Variants in ZFR2 observed in about 807,000 individuals in gnomAD.
ZFR2 encodes zinc finger RNA binding protein 2, also known as zinc finger RNA-binding protein 2.
Under a neutral mutation model 105.7 loss-of-function variants are expected in ZFR2, and 104 were observed. That is an observed-to-expected ratio of 0.98 (90% CI 0.84 to 1.16). The LOEUF (loss-of-function observed/expected upper bound fraction) is 1.16, where lower values mean the gene tolerates loss of function less well. ZFR2 is among the 50% of genes most tolerant of loss of function. ZFR2 has a pLI of 0.00. For synonymous variants in ZFR2, 634 were observed against 597.7 expected (o/e 1.06, Z -0.89); for missense variants, 1,425 against 1,355.5 (o/e 1.05, Z -0.80).
chr19:3,829,022 C>T (rs532942339), intron 5 of ZFR2, among the ~76,000 whole-genome samples: 17 of 149,428 alleles, frequency 1.1e-4, no homozygotes, highest in African/African-American at 4.0e-4. Context: ...AGTGCAGTGG[C>T]GCGATCTCAG....
At chr19:3,862,960 G>A (rs563153817) in intron 1 of ZFR2, among the ~76,000 whole-genome samples, 2 of 152,338 alleles carry the variant, frequency 1.3e-5, no homozygotes, top group Admixed American at 6.5e-5. Flanking sequence ...AGGGGCCCAC[G>A]GTCTCACTTT....
intron 1 of ZFR2, among the ~76,000 whole-genome samples, chr19:3,839,119 GA>G (rs2038108315): frequency 1.3e-5 from 2 of 152,130 alleles, no homozygotes; most frequent in Non-Finnish European, 2.9e-5. Context: ...TCTCTCCCAG[GA>G]AAAGCAGAAG....
chr19:3,824,127 C>A (rs967151343), intron 7 of ZFR2, among the ~76,000 whole-genome samples: 1 of 152,000 alleles, frequency 6.6e-6, no homozygotes, highest in Admixed American at 6.6e-5. Context: ...CAGAACCCCA[C>A]CTCTACAAAA....
At chr19:3,821,517 T>C in intron 9 of ZFR2, 38 bp from the exon 10 acceptor site, 2 of 1,527,794 alleles carry the variant, frequency 1.3e-6, no homozygotes, top group Non-Finnish European at 1.8e-6. Flanking sequence ...GTAGGGACCT[T>C]GCTTTAGACA....
chr19:3,812,241 G>A (rs2037773590), intron 14 of ZFR2, among the ~76,000 whole-genome samples: 1 of 152,056 alleles, frequency 6.6e-6, no homozygotes, highest in Non-Finnish European at 1.5e-5. Flanking sequence ...ACCGCGCCTG[G>A]CCAAATTTTT....
At chr19:3,842,261 G>A (rs535217192) in intron 1 of ZFR2, among the ~76,000 whole-genome samples, 8 of 151,970 alleles carry the variant, frequency 5.3e-5, no homozygotes, top group African/African-American at 1.7e-4. Flanking sequence ...TGATCTGCCC[G>A]CCTCGGCTTC....
rs1327916003 is a variant in ZFR2, at chr19:3,808,920, C to T, written c.2497G>A (p.Ala833Thr). 2 of 1,571,608 alleles carry T rather than the reference C, an allele frequency of 1.3e-6. No homozygotes were observed. The highest frequency in any genetic ancestry group is 2.3e-5 in the East Asian group (1 of 42,718). Reference protein sequence around the residue: ...SAAGPLGPGDAVRRVLECVAT... With the variant: ...SAAGPLGPGDTVRRVLECVAT... ...ACGCACTCCAGGACTCGCCTGACTG[C>T]ATCCCCGGGGCCCAGGGGCCCAGCC... is the stretch of plus-strand genomic sequence containing the variant. The change falls in exon 17 of 19, where the codon GCA becomes ACA. Residue 833 changes from alanine (A) to threonine (T), a missense_variant. Ala to Thr is a moderately conservative substitution (Grantham distance 58). Transcript: ENST00000262961.
At chr19:3,831,621 C>A (rs760888165) in intron 4 of ZFR2, 39 bp downstream of exon 4, 1 of 1,520,038 alleles carries the variant, frequency 6.6e-7, no homozygotes, top group African/African-American at 1.4e-5. Context: ...AAGTGGGGAC[C>A]GACGGGCAGA....
At chr19:3,808,271 A>G (rs1265876105) in intron 17 of ZFR2, among the ~76,000 whole-genome samples, 1 of 152,204 alleles carries the variant, frequency 6.6e-6, no homozygotes, top group Non-Finnish European at 1.5e-5. Context: ...GTGCGTGTGC[A>G]TGCCTACACG....
chr19:3,868,968 T>C lies in ZFR2; in HGVS notation c.50A>G (p.Tyr17Cys). 7 of 1,352,656 alleles carry C rather than the reference T, an allele frequency of 5.2e-6. No homozygotes were observed. Among genetic ancestry groups the C allele is most frequent in the South Asian group, 1.9e-5 (1 of 51,714 alleles). The allele number at this position is 1,352,656 out of a possible 1,614,324, so 83.8% of individuals were successfully genotyped here. Residue 17 changes from tyrosine (Y) to cysteine (C), a missense_variant, in exon 1 of 19, where the codon TAC becomes TGC. Physicochemically the swap from Tyr to Cys is radical, Grantham distance 194 (BLOSUM62 -2). Coordinates refer to ENST00000262961, the MANE Select transcript of ZFR2 (RefSeq NM_015174.2). Reference sequence around the variant, plus strand: ...GCTGGCGCGGCGGGGCAGTTACCTGTACTGCGGGCCGCCGCCCTGCGCGAA... The same window carrying C: ...GCTGGCGCGGCGGGGCAGTTACCTGCACTGCGGGCCGCCGCCCTGCGCGAA... ...FDFAQGGGPQ[Y>C]SAQPPTLPLP...
chr19:3,810,973 G>A, intron 15 of ZFR2, 128 bp from the exon 16 acceptor site: 1 of 1,066,940 alleles, frequency 9.4e-7, no homozygotes, highest in East Asian at 2.8e-5. Context: ...GAAGGTGGCG[G>A]GTGGAAACAG....
Position 3,831,431 on chromosome 19 carries a change from A to G in ZFR2, c.724T>C (p.Ser242Pro), listed in dbSNP as rs1182174467. 6.4e-7 allele frequency: 1 copy of G among 1,553,668 alleles called. No individual in the cohort carries two copies. The highest frequency in any genetic ancestry group is 1.9e-5 in the Admixed American group (1 of 51,548). ...QLPPPPAPAG[S>P]GSSPRADSKP... ...GAGTCGGCCCTGGGGCTGCTTCCTG[A>G]GCCTGCAGGCGCGGGCGGCGGGGGC... is the stretch of plus-strand genomic sequence containing the variant. Residue 242 changes from serine to proline, a missense_variant, in exon 5 of 19, where the codon TCA becomes CCA. By Grantham distance (74) the Ser-to-Pro change is moderately conservative. Transcript: ENST00000262961.
Position 3,852,675 on chromosome 19 carries a change from A to G in ZFR2, c.53+16290T>C, listed in dbSNP as rs1431405265. The G allele has an allele frequency of 1.3e-5, 9 of 676,996 alleles. No individual in the cohort carries two copies. In the South Asian group the frequency reaches 1.5e-4, roughly 11 times the overall value. 41.9% of individuals were successfully genotyped at this position (676,996 alleles called of 1,614,324 possible). ...GGATATAAGGGTGGATGAAGGATGA[A>G]GGCATTTTGGCAACAATCTGCCACA... On this transcript the variant is annotated intron_variant, in intron 1 of 18. Transcript: ENST00000262961.
Position 3,831,469 on chromosome 19 carries a change from G to A in ZFR2, c.686C>T (p.Pro229Leu), listed in dbSNP as rs1255234882. Residue 229 changes from proline (P) to leucine (L), a missense_variant, in exon 5 of 19, where the codon CCC becomes CTC. Transcript: ENST00000262961. ...PPAQPPPPPG[P>L]PQQLPPPPAP... ...GGGCGGCGGGGGCAGCTGCTGCGGG[G>A]GTCCCGGGGGAGGCGGGGGCTGCGC... 4 of 1,550,448 alleles carry A rather than the reference G, an allele frequency of 2.6e-6. No homozygotes were observed. The Admixed American group carries it at 5.9e-5, about 23-fold the overall frequency.
chr19:3,810,942 A>G, intron 15 of ZFR2, 97 bp from the exon 16 acceptor site: 1 of 1,343,978 alleles, frequency 7.4e-7, no homozygotes, highest in Non-Finnish European at 1.0e-6. Context: ...AGGGAGGATA[A>G]TAGGGAGCCT....
intron 1 of ZFR2, among the ~76,000 whole-genome samples, chr19:3,836,351 G>T (rs1296242446): frequency 1.3e-5 from 2 of 152,116 alleles, no homozygotes; most frequent in African/African-American, 2.4e-5. Context: ...TTGAGAAAGG[G>T]TCTCGCTCTG....
chr19:3,851,624 G>A (rs7255802), intron 1 of ZFR2, among the ~76,000 whole-genome samples: 102,948 of 152,140 alleles, frequency 0.68, 36,126 homozygotes, highest in African/African-American at 0.87. Flanking sequence ...CCAGAATTTA[G>A]GGGAGGAAGG....
intron 1 of ZFR2, among the ~76,000 whole-genome samples, chr19:3,856,299 G>A (rs774257266): frequency 6.6e-6 from 1 of 152,188 alleles, no homozygotes; most frequent in Non-Finnish European, 1.5e-5. Flanking sequence ...CATCCACAGA[G>A]CATGCTGCAT....
chr19:3,831,024 C>CGCACACATACGTGCAA (rs1345029865), intron 5 of ZFR2, among the ~76,000 whole-genome samples: 2 of 151,626 alleles, frequency 1.3e-5, no homozygotes, highest in Non-Finnish European at 1.5e-5. Flanking sequence ...GGCACACATG[C>CGCACACATACGTGCAA]GCACACATAC....
Sources: allele counts gnomAD v4.1 joint callset (sites outside exome capture counted in the v4.1 genomes callset), GRCh38; gene constraint gnomAD v4.1.1; transcripts MANE v1.5; gene names NCBI Gene and HGNC (gene_info 2026-07-23, HGNC 2026-07-21).